Variants in GRAP2 observed in about 807,000 individuals in gnomAD.
GRAP2 encodes GRB2-related adapter protein 2.
GRAP2 carries 31 observed loss-of-function variants against 43.5 expected under a neutral mutation model. That is an observed-to-expected ratio of 0.71 (90% CI 0.54 to 0.96). GRAP2 has a LOEUF of 0.96. GRAP2 is among the 40% of genes least tolerant of loss of function. The pLI is 0.00. For missense variants in GRAP2, 371 were observed against 424.4 expected, an observed-to-expected ratio of 0.87 and a Z score of 1.11; for synonymous variants, 156 against 164.8, an observed-to-expected ratio of 0.95 and a Z score of 0.41.
intron 1 of GRAP2, among the ~76,000 whole-genome samples, chr22:39,915,570 T>C (rs28533643): frequency 1.3e-5 from 2 of 152,208 alleles, no homozygotes; most frequent in East Asian, 3.8e-4. Context: ...CTTCTGCTTC[T>C]AACACAATAA....
intron 4 of GRAP2, chr22:39,960,407 C>T (rs2145665076): frequency 4.2e-6 from 2 of 474,984 alleles, no homozygotes; most frequent in South Asian, 6.5e-5. Flanking sequence ...CGCCCATCTG[C>T]CTCCCCTTCT....
Position 39,972,835 on chromosome 22 carries a change from A to C in GRAP2, c.*1751A>C, listed in dbSNP as rs1460209772. 2 of 152,952 alleles carry C rather than the reference A, an allele frequency of 1.3e-5. No homozygotes were observed. The highest frequency in any genetic ancestry group is 1.3e-4 in the Admixed American group (2 of 15,286). 9.5% of individuals were successfully genotyped at this position (152,952 alleles called of 1,614,324 possible). A position where few individuals can be genotyped will look rare whatever the true frequency, so the allele number is the denominator to read the frequency against. ...GTAAGGAGCACCTGCAGCTTTTGGA[A>C]GTGAAAGCAGAGAGAGGGAAAGGTA... On this transcript the variant is annotated 3_prime_UTR_variant, in exon 8 of 8. Coordinates refer to ENST00000344138, the MANE Select transcript of GRAP2 (RefSeq NM_004810.4).
chr22:39,936,754 A>G (rs2066810854), intron 1 of GRAP2, among the ~76,000 whole-genome samples: 1 of 152,162 alleles, frequency 6.6e-6, no homozygotes, highest in African/African-American at 2.4e-5. Context: ...AAAGAGCGAC[A>G]GTTTGTAAGT....
intron 1 of GRAP2, among the ~76,000 whole-genome samples, chr22:39,943,839 C>T (rs539454709): frequency 6.6e-6 from 1 of 151,884 alleles, no homozygotes; most frequent in Non-Finnish European, 1.5e-5. Flanking sequence ...CCTGCCTCAG[C>T]CTCCCAAGTA....
chr22:39,912,120 G>T (rs1337493344), intron 1 of GRAP2, among the ~76,000 whole-genome samples: 1 of 152,190 alleles, frequency 6.6e-6, no homozygotes, highest in Non-Finnish European at 1.5e-5. Context: ...TATGTAACTG[G>T]CTTTAAAATA....
intron 1 of GRAP2, among the ~76,000 whole-genome samples, chr22:39,923,147 G>C (rs759763901): frequency 2.6e-5 from 4 of 152,134 alleles, no homozygotes; most frequent in Non-Finnish European, 5.9e-5. Flanking sequence ...GAGGAGTCCA[G>C]AAGAAATTTC....
At chr22:39,949,701 G>T (rs1053557673) in intron 2 of GRAP2, among the ~76,000 whole-genome samples, 11 of 152,156 alleles carry the variant, frequency 7.2e-5, no homozygotes, top group African/African-American at 2.7e-4. Flanking sequence ...AGCAAGTGGA[G>T]GTAGTATCCA....
At chr22:39,958,969 T>G (rs2067087074) in intron 3 of GRAP2, among the ~76,000 whole-genome samples, 1 of 152,210 alleles carries the variant, frequency 6.6e-6, no homozygotes, top group South Asian at 2.1e-4. Flanking sequence ...CTGCTACCTA[T>G]GTCTCAGTTT....
intron 2 of GRAP2, among the ~76,000 whole-genome samples, chr22:39,952,657 C>T (rs1450245508): frequency 1.3e-5 from 2 of 152,138 alleles, no homozygotes; most frequent in Non-Finnish European, 2.9e-5. Flanking sequence ...CTGTTCTCAG[C>T]AATCTCAAAC....
At chr22:39,968,507 ACT>A in intron 6 of GRAP2, 1 of 546,928 alleles carries the variant, frequency 1.8e-6, no homozygotes, top group East Asian at 3.0e-5. Context: ...ACACACTTAA[ACT>A]CACACACACA....
At chr22:39,906,597 C>T (rs563924380) in intron 1 of GRAP2, among the ~76,000 whole-genome samples, 1 of 152,132 alleles carries the variant, frequency 6.6e-6, no homozygotes, top group African/African-American at 2.4e-5. Context: ...ATTTCCAACA[C>T]AGTCATTGCC....
chr22:39,924,217 A>G (rs1034045149), intron 1 of GRAP2, among the ~76,000 whole-genome samples: 2 of 152,214 alleles, frequency 1.3e-5, no homozygotes, highest in African/African-American at 2.4e-5. Flanking sequence ...AAATGCATGT[A>G]AAATACTGTT....
At position 39,904,661 on chromosome 22, in the gene GRAP2, A is replaced by G. The variant is rs543698090; in HGVS notation, c.-15+3331A>G. Among the ~76,000 whole-genome samples the G allele has an allele frequency of 2.6e-4, 39 of 152,348 alleles. 1 individual carries two copies. The highest frequency in any genetic ancestry group is 7.5e-4 in the African/African-American group (31 of 41,578). ...CATCATTAGGCCTAAGAGGATAAAC[A>G]GTAAGTCCTTAATATCATCTGATAG... On this transcript the variant is annotated intron_variant, in intron 1 of 7. Transcript: ENST00000344138.
chr22:39,950,787 A>AATGTCTAC lies in GRAP2; in HGVS notation c.78+3605_78+3612dup, dbSNP rs952313878. On this transcript the variant is annotated intron_variant, in intron 2 of 7. Transcript: ENST00000344138. ...AGGGCTTGTTGACTGAGCCCCACAG[A>AATGTCTAC]ATGTCTACAGGATGGTGATTGGTTC... 6.0e-4 allele frequency among the ~76,000 whole-genome samples: 92 copies of AATGTCTAC among 152,334 alleles called. 1 individual carries two copies. The highest frequency in any genetic ancestry group is 2.2e-3 in the African/African-American group (90 of 41,578).
At chr22:39,961,280 C>G (rs2067117047) in intron 4 of GRAP2, among the ~76,000 whole-genome samples, 1 of 152,074 alleles carries the variant, frequency 6.6e-6, no homozygotes, top group South Asian at 2.1e-4. Flanking sequence ...CTATGACTCA[C>G]TCAGGGGGAG....
intron 2 of GRAP2, among the ~76,000 whole-genome samples, chr22:39,954,014 A>G (rs1468324170): frequency 6.6e-6 from 1 of 152,182 alleles, no homozygotes; most frequent in Non-Finnish European, 1.5e-5. Context: ...CATTCCAGCC[A>G]CCTGGAGGCA....
chr22:39,970,932 G>A lies in GRAP2; in HGVS notation c.841G>A (p.Asp281Asn). 1 of 1,612,068 alleles carries A rather than the reference G, an allele frequency of 6.2e-7. No individual in the cohort carries two copies. The highest frequency in any genetic ancestry group is 8.5e-7 in the Non-Finnish European group (1 of 1,179,246). Residue 281 changes from aspartate (D) to asparagine (N), a missense_variant, in exon 8 of 8, where the codon GAC becomes AAC. Coordinates refer to ENST00000344138, the MANE Select transcript of GRAP2 (RefSeq NM_004810.4). The stretch of plus-strand genomic sequence containing the variant: ...AGTGCGGTGGGCCCGGGCGCTGTAT[G>A]ACTTTGAGGCCCTGGAGGATGACGA... ...GRVRWARALY[D>N]FEALEDDELG...
chr22:39,951,198 A>G (rs747473298), intron 2 of GRAP2, among the ~76,000 whole-genome samples: 2 of 152,202 alleles, frequency 1.3e-5, no homozygotes, highest in Non-Finnish European at 2.9e-5. Context: ...TGCTTCTCCT[A>G]TGACGGAAAC....
chr22:39,968,155 G>GA lies in GRAP2; in HGVS notation c.574dup (p.Thr192AsnfsTer47). 6.2e-7 allele frequency: 1 copy of GA among 1,607,170 alleles called. No homozygotes were observed. Among genetic ancestry groups the GA allele is most frequent in the Non-Finnish European group, 8.5e-7 (1 of 1,176,944 alleles). ...ACCGGAAGCTGTCGGATCACCCCCC[G>GA]ACCCTTCCCCTGCAGCAGCACCAGC... is the stretch of plus-strand genomic sequence containing the variant. On this transcript the variant is annotated frameshift_variant, in exon 6 of 8. Coordinates refer to ENST00000344138, the MANE Select transcript of GRAP2 (RefSeq NM_004810.4). LOFTEE classifies it high-confidence loss of function.
Sources: allele counts gnomAD v4.1 joint callset (sites outside exome capture counted in the v4.1 genomes callset), GRCh38; gene constraint gnomAD v4.1.1; transcripts MANE v1.5; gene names NCBI Gene and HGNC (gene_info 2026-07-23, HGNC 2026-07-21).